Variants in CDH18 observed in about 807,000 individuals in gnomAD.
CDH18 encodes cadherin-18.
Under a neutral mutation model 67.9 loss-of-function variants are expected in CDH18, and 31 were observed. The ratio of observed to expected loss-of-function variants is 0.46; its 90% CI spans 0.34 to 0.62. The LOEUF (loss-of-function observed/expected upper bound fraction) is 0.62, where lower values mean the gene tolerates loss of function less well. Ranked by LOEUF, CDH18 falls within the 20% of genes least tolerant of loss-of-function variation. The probability of loss-of-function intolerance (pLI) is 0.01; values close to 1 mark genes in which losing one functional copy is unlikely to be tolerated. For missense variants in CDH18, 890 were observed against 975.5 expected, an observed-to-expected ratio of 0.91 and a Z score of 1.17; for synonymous variants, 362 against 347.2, an observed-to-expected ratio of 1.04 and a Z score of -0.48.
Position 20,093,057 on chromosome 5 carries a change from T to C in CDH18, c.-517-101043A>G, listed in dbSNP as rs113292849. On this transcript the variant is annotated intron_variant, in intron 2 of 14. Transcript: ENST00000507958. Reference sequence around the variant, plus strand: ...TTATAATTTTAACCATTTTCAAGTGTAGAGTTCAGTGGTATTGAAAATATT... The same window carrying C: ...TTATAATTTTAACCATTTTCAAGTGCAGAGTTCAGTGGTATTGAAAATATT... Among the ~76,000 whole-genome samples, 332 of 152,246 alleles carry C rather than the reference T, an allele frequency of 2.2e-3. 1 individual carries two copies. Among genetic ancestry groups the C allele is most frequent in the African/African-American group, 7.5e-3 (312 of 41,552 alleles).
At chr5:19,855,056 G>T (rs373473296) in intron 2 of CDH18, among the ~76,000 whole-genome samples, 2 of 151,818 alleles carry the variant, frequency 1.3e-5, no homozygotes, top group African/African-American at 4.8e-5. Context: ...CACTCATGCT[G>T]TTGCAAATGA....
intron 2 of CDH18, among the ~76,000 whole-genome samples, chr5:19,963,710 AC>A (rs1034147290): frequency 6.6e-5 from 10 of 151,886 alleles, no homozygotes; most frequent in Admixed American, 2.0e-4. Context: ...TTTATAAATT[AC>A]CCAGTATTGG....
intron 1 of CDH18, among the ~76,000 whole-genome samples, chr5:20,269,743 AT>A (rs962123534): frequency 1.3e-5 from 2 of 152,096 alleles, no homozygotes; most frequent in Non-Finnish European, 2.9e-5. Context: ...AAGTGGGGAG[AT>A]TGAAGACAAA....
chr5:20,067,037 A>T (rs555093885), intron 2 of CDH18, among the ~76,000 whole-genome samples: 1 of 151,968 alleles, frequency 6.6e-6, no homozygotes, highest in Non-Finnish European at 1.5e-5. Context: ...AAAAAATAAT[A>T]CAAATAAAAA....
chr5:20,535,513 C>T (rs1756659429), intron 1 of CDH18, among the ~76,000 whole-genome samples: 1 of 152,066 alleles, frequency 6.6e-6, no homozygotes, highest in South Asian at 2.1e-4. Flanking sequence ...TGTGAAGTCC[C>T]TTTTGCCAAG....
chr5:20,311,341 G>T (rs1425677038), intron 1 of CDH18, among the ~76,000 whole-genome samples: 1 of 152,046 alleles, frequency 6.6e-6, no homozygotes, highest in African/African-American at 2.4e-5. Context: ...AAAGACACAT[G>T]AGCATGTATG....
chr5:19,774,949 T>C lies in CDH18; in HGVS notation c.229-27713A>G, dbSNP rs534362142. Among the ~76,000 whole-genome samples, 13 of 149,870 alleles carry C rather than the reference T, an allele frequency of 8.7e-5. No homozygotes were observed. In the Admixed American group the frequency reaches 8.7e-4, roughly 10 times the overall value. On this transcript the variant is annotated intron_variant, in intron 3 of 12. Coordinates refer to ENST00000382275, the MANE Select transcript of CDH18 (RefSeq NM_004934.5). ...CCCAACGGACCACGCAATACCCTGA[T>C]GTTGGACTTTCAACCTCCAGAACCA... is the stretch of plus-strand genomic sequence containing the variant.
At chr5:20,403,296 G>A (rs1251376476) in intron 1 of CDH18, among the ~76,000 whole-genome samples, 3 of 152,050 alleles carry the variant, frequency 2.0e-5, no homozygotes, top group African/African-American at 7.2e-5. Flanking sequence ...AACTGTTAGT[G>A]TAGGTTCAGA....
intron 1 of CDH18, among the ~76,000 whole-genome samples, chr5:20,317,231 A>G (rs943377203): frequency 2.0e-5 from 3 of 152,092 alleles, no homozygotes; most frequent in Non-Finnish European, 4.4e-5. Context: ...GTCAGAGCAG[A>G]ACAAATTCTA....
chr5:19,940,562 C>T (rs993436867), intron 2 of CDH18, among the ~76,000 whole-genome samples: 5 of 152,038 alleles, frequency 3.3e-5, no homozygotes, highest in African/African-American at 1.2e-4. Context: ...TCATTTGTGT[C>T]TTATTCACAC....
intron 2 of CDH18, among the ~76,000 whole-genome samples, chr5:20,111,546 CTTTTTTTTT>C (rs760458451): frequency 1.9e-5 from 1 of 51,940 alleles, no homozygotes; most frequent in African/African-American, 6.1e-5. Context: ...TTCCTTCTTT[CTTTTTTTTT>C]TTTTTTTTTT....
intron 8 of CDH18, among the ~76,000 whole-genome samples, chr5:19,554,563 A>C (rs1295972606): frequency 1.3e-5 from 2 of 148,416 alleles, no homozygotes. Flanking sequence ...AAAAAAAAAC[A>C]ATTTTTTTTT....
intron 3 of CDH18, among the ~76,000 whole-genome samples, chr5:19,749,596 C>T (rs184200131): frequency 0.017 from 2,512 of 150,590 alleles, 67 homozygotes; most frequent in African/African-American, 0.058. Context: ...ATTACAGATA[C>T]TTAAGGATAT....
chr5:19,610,397 T>A (rs1318751421), intron 6 of CDH18, among the ~76,000 whole-genome samples: 1 of 152,106 alleles, frequency 6.6e-6, no homozygotes, highest in African/African-American at 2.4e-5. Flanking sequence ...TCTATATGAA[T>A]AATATTCCTT....
At chr5:19,879,399 A>G (rs1226753383) in intron 2 of CDH18, among the ~76,000 whole-genome samples, 1 of 151,676 alleles carries the variant, frequency 6.6e-6, no homozygotes, top group Non-Finnish European at 1.5e-5. Flanking sequence ...TCCCATATTT[A>G]TAAGGAAATG....
chr5:19,612,820 T>C (rs1749210104), intron 5 of CDH18, among the ~76,000 whole-genome samples: 1 of 152,086 alleles, frequency 6.6e-6, no homozygotes, highest in South Asian at 2.1e-4. Context: ...TAAATTAAGA[T>C]GTCTATCTCT....
intron 3 of CDH18, among the ~76,000 whole-genome samples, chr5:19,823,741 A>G (rs891923512): frequency 1.3e-5 from 2 of 152,196 alleles, no homozygotes; most frequent in Non-Finnish European, 2.9e-5. Flanking sequence ...ATAGACACCT[A>G]CAAAATATTT....
intron 2 of CDH18, among the ~76,000 whole-genome samples, chr5:20,052,755 AG>A: frequency 6.6e-6 from 1 of 152,230 alleles, no homozygotes; most frequent in Admixed American, 6.5e-5. Context: ...AATAGAGAAA[AG>A]TTTCCCATCA....
intron 6 of CDH18, among the ~76,000 whole-genome samples, chr5:19,595,191 T>C (rs1561430288): frequency 6.6e-6 from 1 of 152,040 alleles, no homozygotes; most frequent in Admixed American, 6.6e-5. Flanking sequence ...ATAATAGCAT[T>C]GAAATGAATA....
Sources: gnomAD v4.1 joint callset for allele counts (sites outside exome capture counted in the v4.1 genomes callset) on GRCh38, gnomAD v4.1.1 for gene constraint, MANE v1.5 for transcripts, NCBI Gene and HGNC (gene_info 2026-07-23, HGNC 2026-07-21) for gene names.